PLD5: variants seen among roughly 807,000 people sequenced by gnomAD.
The protein encoded by PLD5 is phospholipase D family member 5, also known as inactive phospholipase D5.
A neutral mutation model predicts 61.1 loss-of-function variants in PLD5; 36 were observed. The observed-to-expected ratio is 0.59, with a 90% CI of 0.45 to 0.78. PLD5 has a LOEUF of 0.78. Ranked by LOEUF, PLD5 falls within the 30% of genes least tolerant of loss-of-function variation. PLD5 has a pLI of 0.00. For synonymous variants in PLD5, 243 were observed against 242.8 expected, an observed-to-expected ratio of 1.00 and a Z score of -0.01; for missense variants, 515 against 644.4, an observed-to-expected ratio of 0.80 and a Z score of 2.17.
chr1:242,180,985 AAAAC>A (rs545725246), intron 5 of PLD5, among the ~76,000 whole-genome samples: 49 of 152,072 alleles, frequency 3.2e-4, no homozygotes, highest in East Asian at 1.4e-3. Context: ...TAGGTCTCAA[AAAAC>A]AAACAAACAA....
At chr1:242,174,905 G>T (rs868763839) in intron 5 of PLD5, among the ~76,000 whole-genome samples, 9 of 152,024 alleles carry the variant, frequency 5.9e-5, no homozygotes, top group African/African-American at 1.7e-4. Flanking sequence ...GTCATGAGGT[G>T]GGGGGAGGGA....
At chr1:242,140,193 C>T (rs1574378043) in intron 5 of PLD5, among the ~76,000 whole-genome samples, 1 of 152,202 alleles carries the variant, frequency 6.6e-6, no homozygotes, top group East Asian at 1.9e-4. Flanking sequence ...GCAAGATCTT[C>T]AAACAATGCC....
chr1:242,096,611 G>A (rs1660250783), intron 9 of PLD5, among the ~76,000 whole-genome samples: 1 of 151,866 alleles, frequency 6.6e-6, no homozygotes. Context: ...CAAAGTGCTG[G>A]GATTACAAGG....
chr1:242,133,745 A>G (rs1325660648), intron 5 of PLD5, among the ~76,000 whole-genome samples: 1 of 152,226 alleles, frequency 6.6e-6, no homozygotes, highest in African/African-American at 2.4e-5. Context: ...AGGAATTCAC[A>G]CAACAATTCT....
rs866305781 is a variant in PLD5 at position 242,275,428 on chromosome 1, G to A, written c.496-9980C>T. Among the ~76,000 whole-genome samples the A allele has an allele frequency of 3.3e-5, 5 of 152,080 alleles. No homozygotes were observed. The Middle Eastern group carries it at 0.01, about 310-fold the overall frequency. ...ATTTTTAGTTTGTAGGATATACAAA[G>A]TTTGCCACAGATATAAGTATGAAGG... On this transcript the variant is annotated intron_variant, in intron 3 of 9. Transcript: ENST00000536534.
chr1:242,355,864 C>G (rs1478388806), intron 1 of PLD5, among the ~76,000 whole-genome samples: 1 of 152,004 alleles, frequency 6.6e-6, no homozygotes, highest in Non-Finnish European at 1.5e-5. Context: ...TATTCAGGAG[C>G]ATGTTTAATT....
At chr1:242,268,386 T>A (rs770763915) in intron 3 of PLD5, among the ~76,000 whole-genome samples, 1 of 152,240 alleles carries the variant, frequency 6.6e-6, no homozygotes, top group Non-Finnish European at 1.5e-5. Flanking sequence ...AGAATATATT[T>A]GGCACCGATG....
At chr1:242,177,457 C>T (rs1355123814) in intron 5 of PLD5, among the ~76,000 whole-genome samples, 1 of 152,056 alleles carries the variant, frequency 6.6e-6, no homozygotes, top group African/African-American at 2.4e-5. Flanking sequence ...GGAGAAATAC[C>T]TAATGTAGGT....
intron 1 of PLD5, among the ~76,000 whole-genome samples, chr1:242,502,946 A>C (rs1185813692): frequency 6.6e-6 from 1 of 152,198 alleles, no homozygotes; most frequent in Admixed American, 6.5e-5. Context: ...CTGTGATCCC[A>C]TATACTTGGG....
intron 9 of PLD5, among the ~76,000 whole-genome samples, chr1:242,096,403 G>A (rs1041933856): frequency 2.6e-5 from 4 of 151,752 alleles, no homozygotes; most frequent in Non-Finnish European, 2.9e-5. Context: ...GTGCAATGGC[G>A]CAATCTTGGT....
intron 5 of PLD5, among the ~76,000 whole-genome samples, chr1:242,132,560 G>C (rs1215594456): frequency 1.3e-5 from 2 of 152,124 alleles, no homozygotes; most frequent in Admixed American, 6.6e-5. Context: ...AGTTGCTGCA[G>C]GAAATTTAAT....
intron 1 of PLD5, among the ~76,000 whole-genome samples, chr1:242,409,026 C>T (rs1042261714): frequency 6.6e-6 from 1 of 151,602 alleles, no homozygotes; most frequent in Non-Finnish European, 1.5e-5. Flanking sequence ...AAGATCATGC[C>T]ACTGCACTCC....
At chr1:242,441,851 A>G (rs1666291072) in intron 1 of PLD5, among the ~76,000 whole-genome samples, 1 of 152,224 alleles carries the variant, frequency 6.6e-6, no homozygotes, top group Non-Finnish European at 1.5e-5. Context: ...TCAATGTGGA[A>G]GACCCAGAAA....
intron 2 of PLD5, among the ~76,000 whole-genome samples, chr1:242,323,070 G>A (rs1658521849): frequency 6.6e-6 from 1 of 151,988 alleles, no homozygotes; most frequent in Non-Finnish European, 1.5e-5. Flanking sequence ...ACAAAAATAT[G>A]TACTAAGACT....
At chr1:242,214,644 G>T (rs1670033473) in intron 5 of PLD5, among the ~76,000 whole-genome samples, 1 of 152,062 alleles carries the variant, frequency 6.6e-6, no homozygotes, top group Non-Finnish European at 1.5e-5. Flanking sequence ...CCAGAGACTG[G>T]CTAAACAAAT....
At chr1:242,428,693 C>T (rs1283234503) in intron 1 of PLD5, among the ~76,000 whole-genome samples, 4 of 151,564 alleles carry the variant, frequency 2.6e-5, no homozygotes, top group Admixed American at 2.6e-4. Flanking sequence ...TTTGTAATCT[C>T]ATATTGTAAT....
At chr1:242,233,861 C>A (rs908756851) in intron 4 of PLD5, among the ~76,000 whole-genome samples, 11 of 152,256 alleles carry the variant, frequency 7.2e-5, no homozygotes, top group Admixed American at 7.2e-4. Flanking sequence ...AGAAATCAGT[C>A]GTGGCCTCCA....
intron 1 of PLD5, among the ~76,000 whole-genome samples, chr1:242,431,168 C>A (rs1400202946): frequency 6.6e-6 from 1 of 152,220 alleles, no homozygotes. Flanking sequence ...CACTCCCACC[C>A]AGAACTCATT....
chr1:242,410,108 A>C (rs769423136), intron 1 of PLD5, among the ~76,000 whole-genome samples: 4 of 152,138 alleles, frequency 2.6e-5, no homozygotes, highest in Non-Finnish European at 4.4e-5. Flanking sequence ...AACTGCTGTT[A>C]GGGGGTTTTG....
Sources: allele counts gnomAD v4.1 joint callset (sites outside exome capture counted in the v4.1 genomes callset), GRCh38; gene constraint gnomAD v4.1.1; transcripts MANE v1.5; gene names NCBI Gene and HGNC (gene_info 2026-07-23, HGNC 2026-07-21).